ARHGAP32: variants seen among roughly 807,000 people sequenced by gnomAD.
The protein encoded by ARHGAP32 is rho GTPase-activating protein 32.
ARHGAP32 carries 51 observed loss-of-function variants against 186.5 expected under a neutral mutation model. The ratio of observed to expected loss-of-function variants is 0.27; its 90% CI spans 0.22 to 0.35. ARHGAP32 has a LOEUF of 0.35. ARHGAP32 is among the 10% of genes least tolerant of loss of function. The probability of loss-of-function intolerance (pLI) is 1.00; values close to 1 mark genes in which losing one functional copy is unlikely to be tolerated. For synonymous variants in ARHGAP32, 950 were observed against 964.3 expected (o/e 0.99, Z 0.27); for missense variants, 2,186 against 2,623.5 (o/e 0.83, Z 3.64).
At chr11:129,246,161 T>A (rs1945094579) in intron 1 of ARHGAP32, among the ~76,000 whole-genome samples, 1 of 152,224 alleles carries the variant, frequency 6.6e-6, no homozygotes, top group Admixed American at 6.5e-5. Context: ...AGAGTCATCT[T>A]GAGCTTGGGG....
At chr11:128,988,915 A>G (rs537893853) in intron 12 of ARHGAP32, among the ~76,000 whole-genome samples, 7 of 152,328 alleles carry the variant, frequency 4.6e-5, no homozygotes, top group African/African-American at 1.4e-4. Flanking sequence ...ATTTAACAAT[A>G]GTTGTTTTGC....
At chr11:129,177,369 C>T (rs1200930900) in intron 1 of ARHGAP32, among the ~76,000 whole-genome samples, 1 of 152,172 alleles carries the variant, frequency 6.6e-6, no homozygotes, top group African/African-American at 2.4e-5. Context: ...CAAGGAGAAA[C>T]TGGTACCATT....
At chr11:129,039,159 C>T (rs1189430992) in intron 11 of ARHGAP32, among the ~76,000 whole-genome samples, 1 of 152,116 alleles carries the variant, frequency 6.6e-6, no homozygotes, top group African/African-American at 2.4e-5. Flanking sequence ...CAAAATGGTA[C>T]AGTTACACCA....
Position 128,974,639 on chromosome 11 carries a change from C to T in ARHGAP32, c.2558G>A (p.Gly853Asp), listed in dbSNP as rs1591488198. 6.2e-7 allele frequency: 1 copy of T among 1,614,192 alleles called. No individual in the cohort carries two copies. The highest frequency in any genetic ancestry group is 8.5e-7 in the Non-Finnish European group (1 of 1,180,024). ...TCCTGGAGTCTGACATTGGCTACTA[C>T]CTGTTTCTGCATCCTTTTTATTGGC... Reference protein sequence around the residue: ...PSANKKDAETGSSQCQTPGST... With the variant: ...PSANKKDAETDSSQCQTPGST... Residue 853 changes from glycine to aspartate, a missense_variant, in exon 21 of 23, where the codon GGT (glycine) becomes GAT (aspartate). Coordinates refer to ENST00000682385, the MANE Select transcript of ARHGAP32 (RefSeq NM_001378024.1).
intron 12 of ARHGAP32, among the ~76,000 whole-genome samples, chr11:128,993,865 A>T (rs898396396): frequency 1.3e-5 from 2 of 151,906 alleles, no homozygotes; most frequent in East Asian, 3.9e-4. Context: ...CTAATTTTTT[A>T]AAATTTTTTG....
chr11:129,072,913 G>A lies in ARHGAP32; in HGVS notation c.532-6045C>T, dbSNP rs1055979391. 5.3e-5 allele frequency among the ~76,000 whole-genome samples: 8 copies of A among 152,322 alleles called. No homozygotes were observed. In the South Asian group the frequency reaches 8.3e-4, roughly 16 times the overall value. ...TCTTACCACAGCCTCATTTTCTGGA[G>A]TAAGAAGAAAATACAGCTCCAGCTT... On this transcript the variant is annotated intron_variant, in intron 6 of 22. Coordinates refer to ENST00000682385, the MANE Select transcript of ARHGAP32 (RefSeq NM_001378024.1).
intron 1 of ARHGAP32, among the ~76,000 whole-genome samples, chr11:129,264,732 C>A (rs906703759): frequency 4.6e-5 from 7 of 152,094 alleles, no homozygotes; most frequent in African/African-American, 1.4e-4. Flanking sequence ...GCACGGTAAT[C>A]TAGATCAAAG....
intron 1 of ARHGAP32, among the ~76,000 whole-genome samples, chr11:129,278,292 C>G (rs1591394336): frequency 6.6e-6 from 1 of 152,200 alleles, no homozygotes. Flanking sequence ...GATTGTAACT[C>G]TGCATTCAGA....
At chr11:129,265,912 A>C (rs1945393414) in intron 1 of ARHGAP32, among the ~76,000 whole-genome samples, 1 of 152,216 alleles carries the variant, frequency 6.6e-6, no homozygotes, top group Admixed American at 6.5e-5. Flanking sequence ...GCTATAAAAA[A>C]TGAGTAACAC....
chr11:129,000,094 A>G (rs919832661), intron 11 of ARHGAP32, among the ~76,000 whole-genome samples: 3 of 152,210 alleles, frequency 2.0e-5, no homozygotes, highest in African/African-American at 7.2e-5. Context: ...CACAGAACAC[A>G]CTTGTCAACC....
chr11:129,185,777 AGAG>A (rs1385320319), intron 1 of ARHGAP32, among the ~76,000 whole-genome samples: 4 of 152,170 alleles, frequency 2.6e-5, no homozygotes, highest in East Asian at 1.9e-4. Flanking sequence ...GAAGAGAAGT[AGAG>A]GAGAAGAGAG....
In ARHGAP32 at chr11:128,970,162, A is replaced by G; in HGVS notation, c.5051T>C (p.Val1684Ala). 6.2e-7 allele frequency: 1 copy of G among 1,614,246 alleles called. No individual in the cohort carries two copies. The highest frequency in any genetic ancestry group is 8.5e-7 in the Non-Finnish European group (1 of 1,180,046). ...YYSPDGALCD[V>A]DAYGTVQLRP... ...CAACTGGACTGTGCCATAGGCATCC[A>G]CATCACACAGGGCCCCATCTGGACT... The change falls in exon 23 of 23, where the codon GTG (valine) becomes GCG (alanine). Residue 1684 changes from valine (V) to alanine (A), a missense_variant. Val to Ala is a moderately conservative substitution (Grantham distance 64). This residue lies in a region of ARHGAP32 where 1,502 missense variants were observed against 1,570.0 expected (regional missense o/e 0.96). Transcript: ENST00000682385. The surrounding 1 kb of genome is among the most constrained non-coding windows in gnomAD (Gnocchi z 5.8).
intron 1 of ARHGAP32, among the ~76,000 whole-genome samples, chr11:129,259,569 T>TAA (rs71057940): frequency 1.1e-4 from 16 of 141,556 alleles, no homozygotes; most frequent in South Asian, 8.9e-4. Context: ...TTAAGCAATG[T>TAA]AAAAAAAAAA....
At chr11:129,014,245 C>T (rs1374126820) in intron 11 of ARHGAP32, among the ~76,000 whole-genome samples, 5 of 152,088 alleles carry the variant, frequency 3.3e-5, no homozygotes, top group South Asian at 2.1e-4. Flanking sequence ...GTATGACACA[C>T]GACCTAGTAT....
At chr11:129,001,949 A>C (rs938065404) in intron 11 of ARHGAP32, among the ~76,000 whole-genome samples, 1 of 152,062 alleles carries the variant, frequency 6.6e-6, no homozygotes, top group East Asian at 1.9e-4. Flanking sequence ...TGGGTTCTCT[A>C]TTCTGTTCCG....
intron 11 of ARHGAP32, among the ~76,000 whole-genome samples, chr11:128,998,683 G>A (rs1267719052): frequency 1.3e-5 from 2 of 152,144 alleles, no homozygotes; most frequent in Non-Finnish European, 2.9e-5. Context: ...AGGAAGTCAG[G>A]GACCTTGAAT....
At chr11:129,048,834 G>C (rs558399813) in intron 10 of ARHGAP32, among the ~76,000 whole-genome samples, 2 of 152,070 alleles carry the variant, frequency 1.3e-5, no homozygotes, top group Admixed American at 1.3e-4. Context: ...TTCAGCCTTG[G>C]AAGGAGTAAG....
rs529031016 is a variant in ARHGAP32, at chr11:129,050,474, G to A, written c.964-9465C>T. The stretch of plus-strand genomic sequence containing the variant: ...TCCTGCCTCAGCCTCCCAAGTAGCC[G>A]GGACTACAGGCACATGCTACTGAGC... On this transcript the variant is annotated intron_variant, in intron 10 of 22. Coordinates refer to ENST00000682385, the MANE Select transcript of ARHGAP32 (RefSeq NM_001378024.1). Among the ~76,000 whole-genome samples, 63 of 152,186 alleles carry A rather than the reference G, an allele frequency of 4.1e-4. 1 individual carries two copies. The highest frequency in any genetic ancestry group is 1.3e-3 in the African/African-American group (55 of 41,508).
intron 11 of ARHGAP32, among the ~76,000 whole-genome samples, chr11:129,031,063 G>A (rs994264347): frequency 6.6e-6 from 1 of 152,134 alleles, no homozygotes; most frequent in Non-Finnish European, 1.5e-5. Context: ...AGAACTGTGA[G>A]CCAATTAAAC....
Sources: allele counts gnomAD v4.1 joint callset (sites outside exome capture counted in the v4.1 genomes callset), GRCh38; gene constraint gnomAD v4.1.1; regional missense constraint gnomAD v4.1.1; non-coding constraint Gnocchi (gnomAD v3.1); transcripts MANE v1.5; gene names NCBI Gene and HGNC (gene_info 2026-07-23, HGNC 2026-07-21).